Variants in NELL2 observed in about 807,000 individuals in gnomAD.
NELL2 encodes the protein protein kinase C-binding protein NELL2.
A neutral mutation model predicts 109.6 loss-of-function variants in NELL2; 41 were observed. That is an observed-to-expected ratio of 0.37 (90% CI 0.29 to 0.49). The LOEUF (loss-of-function observed/expected upper bound fraction) is 0.49. Among genes scored for constraint, NELL2 ranks in the 20% least tolerant of loss-of-function variants. The pLI is 0.98. For synonymous variants in NELL2, 355 were observed against 344.7 expected (o/e 1.03, Z -0.33); for missense variants, 900 against 1,008.3 (o/e 0.89, Z 1.45).
At chr12:44,862,892 C>T (rs771765956) in intron 2 of NELL2, among the ~76,000 whole-genome samples, 4 of 151,900 alleles carry the variant, frequency 2.6e-5, no homozygotes, top group South Asian at 4.2e-4. Context: ...ATTTATGGGA[C>T]GGCATCAGGA....
chr12:44,755,308 C>T (rs1443382125), intron 9 of NELL2, among the ~76,000 whole-genome samples: 4 of 152,050 alleles, frequency 2.6e-5, no homozygotes, highest in African/African-American at 4.8e-5. Context: ...ACTTTTCTAC[C>T]CCCACAAAAA....
At chr12:44,604,347 T>A (rs1173799094) in intron 15 of NELL2, among the ~76,000 whole-genome samples, 1 of 152,012 alleles carries the variant, frequency 6.6e-6, no homozygotes, top group Admixed American at 6.5e-5. Context: ...AGAATGTAGA[T>A]CTGGATCAAC....
chr12:44,641,666 G>A (rs1032995474), intron 13 of NELL2, among the ~76,000 whole-genome samples: 1 of 149,470 alleles, frequency 6.7e-6, no homozygotes, highest in African/African-American at 2.5e-5. Flanking sequence ...ATTTAAACTC[G>A]TGAGGACTTG....
chr12:44,877,969 T>C (rs1438028308), upstream of NELL2, among the ~76,000 whole-genome samples: 1 of 152,220 alleles, frequency 6.6e-6, no homozygotes, highest in Non-Finnish European at 1.5e-5. Context: ...GCATCTAAAA[T>C]ATTCAATTGT....
At position 44,876,046 on chromosome 12, in the gene NELL2, G is replaced by A; in HGVS notation, c.-177C>T. ...AAGAAAGAAAAGGGAGGCCTCCCCA[G>A]GCGCGTGAAGAACTTAGACCCTCCA... is the stretch of plus-strand genomic sequence containing the variant. On this transcript the variant is annotated 5_prime_UTR_variant, in exon 1 of 20. Coordinates refer to ENST00000429094, the MANE Select transcript of NELL2 (RefSeq NM_001145108.2). 6.8e-7 allele frequency: 1 copy of A among 1,471,944 alleles called. No individual in the cohort carries two copies. Among genetic ancestry groups the A allele is most frequent in the African/African-American group, 1.4e-5 (1 of 70,878 alleles). The allele number at this position is 1,471,944 out of a possible 1,614,324, so 91.2% of individuals were successfully genotyped here. A position where few individuals can be genotyped will look rare whatever the true frequency, so the allele number is the denominator to read the frequency against.
chr12:44,640,120 T>C (rs1273446483), intron 13 of NELL2, among the ~76,000 whole-genome samples: 2 of 152,198 alleles, frequency 1.3e-5, no homozygotes, highest in African/African-American at 4.8e-5. Context: ...TAAAGGCTAA[T>C]GCTCAGTAAA....
At chr12:44,801,903 GA>G (rs973975257) in intron 3 of NELL2, among the ~76,000 whole-genome samples, 10 of 148,310 alleles carry the variant, frequency 6.7e-5, no homozygotes, top group Non-Finnish European at 7.5e-5. Context: ...AGAGGATACA[GA>G]AAAAAAAAGA....
intron 15 of NELL2, among the ~76,000 whole-genome samples, chr12:44,588,289 T>C (rs919204967): frequency 6.6e-6 from 1 of 152,178 alleles, no homozygotes; most frequent in Non-Finnish European, 1.5e-5. Flanking sequence ...GCACCATGGC[T>C]GAGTTTGTCT....
chr12:44,906,277 G>A (rs1592715450), intron 1 of NELL2, among the ~76,000 whole-genome samples: 1 of 152,042 alleles, frequency 6.6e-6, no homozygotes, highest in African/African-American at 2.4e-5. Context: ...TAGGAAGAGA[G>A]TAAGAGGAAA....
At chr12:44,694,327 C>T (rs947438383) in intron 12 of NELL2, among the ~76,000 whole-genome samples, 31 of 152,062 alleles carry the variant, frequency 2.0e-4, no homozygotes, top group Non-Finnish European at 3.2e-4. Flanking sequence ...CTCCTAACCT[C>T]GGACTGGAAC....
At chr12:44,550,854 A>C (rs1372312866) in intron 15 of NELL2, among the ~76,000 whole-genome samples, 1 of 152,158 alleles carries the variant, frequency 6.6e-6, no homozygotes, top group Non-Finnish European at 1.5e-5. Context: ...GTTTTCCAGC[A>C]GCTGAGGTTA....
intron 3 of NELL2, among the ~76,000 whole-genome samples, chr12:44,814,510 C>T (rs1432919753): frequency 6.6e-6 from 1 of 152,044 alleles, no homozygotes; most frequent in Non-Finnish European, 1.5e-5. Context: ...CAAGGCCTCT[C>T]CCTGCAACCA....
chr12:44,781,212 A>G (rs1941946130), intron 3 of NELL2, among the ~76,000 whole-genome samples: 1 of 152,110 alleles, frequency 6.6e-6, no homozygotes, highest in Non-Finnish European at 1.5e-5. Context: ...TTAAAACCAA[A>G]TAGAAACTTC....
intron 2 of NELL2, among the ~76,000 whole-genome samples, chr12:44,847,170 A>G (rs1944395984): frequency 6.6e-6 from 1 of 152,236 alleles, no homozygotes; most frequent in African/African-American, 2.4e-5. Context: ...CATTATTACC[A>G]TGGGCAGAGC....
At chr12:44,637,176 T>C (rs971664349) in intron 13 of NELL2, among the ~76,000 whole-genome samples, 4 of 151,844 alleles carry the variant, frequency 2.6e-5, no homozygotes, top group Non-Finnish European at 4.4e-5. Flanking sequence ...GTGGTCTATT[T>C]TGTTGATCTT....
chr12:44,889,867 T>C (rs974546320), intron 1 of NELL2, among the ~76,000 whole-genome samples: 1 of 152,186 alleles, frequency 6.6e-6, no homozygotes, highest in Non-Finnish European at 1.5e-5. Context: ...ATGCAATAAT[T>C]CAAAATCTTT....
chr12:44,695,043 GA>G (rs1429852733), intron 12 of NELL2, among the ~76,000 whole-genome samples: 1 of 142,444 alleles, frequency 7.0e-6, no homozygotes, highest in African/African-American at 2.8e-5. Flanking sequence ...ATGAAGGAAG[GA>G]AGAAAGGAAG....
chr12:44,781,424 C>T (rs948467043), intron 3 of NELL2, among the ~76,000 whole-genome samples: 4 of 151,896 alleles, frequency 2.6e-5, no homozygotes, highest in Non-Finnish European at 2.9e-5. Context: ...ACATTTGTAT[C>T]ACTAGCATCC....
chr12:44,734,687 T>C (rs1270988634), intron 9 of NELL2, among the ~76,000 whole-genome samples: 2 of 151,968 alleles, frequency 1.3e-5, no homozygotes, highest in African/African-American at 4.8e-5. Flanking sequence ...TTTGGGATAA[T>C]AGAAGCGTCT....
Sources: gnomAD v4.1 joint callset for allele counts (sites outside exome capture counted in the v4.1 genomes callset) on GRCh38, gnomAD v4.1.1 for gene constraint, MANE v1.5 for transcripts, NCBI Gene and HGNC (gene_info 2026-07-23, HGNC 2026-07-21) for gene names.